Variants in RIPOR1 observed in about 807,000 individuals in gnomAD.
The protein encoded by RIPOR1 is RHO family interacting cell polarization regulator 1, also known as rho family-interacting cell polarization regulator 1.
Under a neutral mutation model 116.5 loss-of-function variants are expected in RIPOR1, and 58 were observed. The observed-to-expected ratio is 0.50, with a 90% CI of 0.40 to 0.62. RIPOR1 has a LOEUF of 0.62. RIPOR1 is among the 20% of genes least tolerant of loss of function. RIPOR1 has a pLI of 0.00. For synonymous variants in RIPOR1, 605 were observed against 650.0 expected (o/e 0.93, Z 1.05); for missense variants, 1,372 against 1,586.2 (o/e 0.86, Z 2.29).
rs1337779341 is a variant in RIPOR1, at chr16:67,529,357, T to G, written c.-24+443T>G. On this transcript the variant is annotated intron_variant, in intron 1 of 21. Coordinates refer to ENST00000042381, the MANE Select transcript of RIPOR1 (RefSeq NM_024519.4). This position sits in a 1 kb window ranked among gnomAD's most constrained non-coding sequence, Gnocchi z 4.1. ...GCCGGCCTAGGAGCTGAGCTAATCC[T>G]CCTAGCTCTAGGGGCCGGCCTAAGC... 1 of 165,642 alleles carries G rather than the reference T, an allele frequency of 6.0e-6. No individual in the cohort carries two copies. Among genetic ancestry groups the G allele is most frequent in the African/African-American group, 2.4e-5 (1 of 41,756 alleles). The allele number at this position is 165,642 out of a possible 1,614,324, so 10.3% of individuals were successfully genotyped here. A position where few individuals can be genotyped will look rare whatever the true frequency, so the allele number is the denominator to read the frequency against.
In RIPOR1 at chr16:67,537,220, C is replaced by A. The variant is rs1039394663; in HGVS notation, c.-23-1204C>A. Among the ~76,000 whole-genome samples the A allele has an allele frequency of 6.6e-6, 1 of 152,144 alleles. No individual in the cohort carries two copies. The highest frequency in any genetic ancestry group is 1.5e-5 in the Non-Finnish European group (1 of 68,020). ...GAGCCACTGTGCCCGGCCTCAATAGCGACTCTTTAAGCCCCCTACTCTAAT... is the reference window on the plus strand; with the variant it reads ...GAGCCACTGTGCCCGGCCTCAATAGAGACTCTTTAAGCCCCCTACTCTAAT... On this transcript the variant is annotated intron_variant, in intron 1 of 21. Transcript: ENST00000042381. The surrounding 1 kb of genome is among the most constrained non-coding windows in gnomAD (Gnocchi z 4.6).
chr16:67,541,257 A>G lies in RIPOR1; in HGVS notation c.802-173A>G. 5 of 526,298 alleles carry G rather than the reference A, an allele frequency of 9.5e-6. No homozygotes were observed. Among genetic ancestry groups the G allele is most frequent in the African/African-American group, 2.0e-5 (1 of 49,914 alleles). 32.6% of individuals were successfully genotyped at this position (526,298 alleles called of 1,614,324 possible). A position where few individuals can be genotyped will look rare whatever the true frequency, so the allele number is the denominator to read the frequency against. ...AATTTTTTTTTTTTTTTTTTTTGAG[A>G]CAGAGTCTTGCCATGTTGCCCAAGC... On this transcript the variant is annotated intron_variant, in intron 10 of 21. Coordinates refer to ENST00000042381, the MANE Select transcript of RIPOR1 (RefSeq NM_024519.4). The surrounding 1 kb of genome is among the most constrained non-coding windows in gnomAD (Gnocchi z 4.6).
intron 1 of RIPOR1, among the ~76,000 whole-genome samples, chr16:67,535,471 AG>A (rs766139171): frequency 2.6e-5 from 4 of 152,224 alleles, no homozygotes; most frequent in Non-Finnish European, 5.9e-5. Context: ...CTGTGGATCC[AG>A]GCTGGGGAGG....
chr16:67,540,026 C>G lies in RIPOR1; in HGVS notation c.415-27C>G, dbSNP rs750276204. Reference sequence around the variant, plus strand: ...ACCCCAGAGGTGAGTCTCAGTCCCCCTACTGTCACCCCACTCACCTTCCCA... The same window carrying G: ...ACCCCAGAGGTGAGTCTCAGTCCCCGTACTGTCACCCCACTCACCTTCCCA... On this transcript the variant is annotated intron_variant, in intron 6 of 21. Transcript: ENST00000042381. This position sits in a 1 kb window ranked among gnomAD's most constrained non-coding sequence, Gnocchi z 4.7. The G allele has an allele frequency of 1.2e-5, 19 of 1,614,028 alleles. No individual in the cohort carries two copies. The highest frequency in any genetic ancestry group is 1.6e-5 in the Non-Finnish European group (19 of 1,179,936).
In RIPOR1 at chr16:67,543,270, G is replaced by A; in HGVS notation, c.2478+6G>A. The stretch of plus-strand genomic sequence containing the variant: ...GCCTAGAAAGTCTGCTCATGGTGAG[G>A]AGGGCTGGGCTGGGCTAGGGCAACC... On this transcript the variant is annotated splice_donor_region_variant and intron_variant, in intron 13 of 21. Coordinates refer to ENST00000042381, the MANE Select transcript of RIPOR1 (RefSeq NM_024519.4). This position sits in a 1 kb window ranked among gnomAD's most constrained non-coding sequence, Gnocchi z 4.7. 1 of 1,602,468 alleles carries A rather than the reference G, an allele frequency of 6.2e-7. No individual in the cohort carries two copies. The highest frequency in any genetic ancestry group is 2.2e-5 in the East Asian group (1 of 44,548).
In RIPOR1 at chr16:67,523,542, A is replaced by C. The variant is rs951568380; in HGVS notation, c.-24+4929A>C. 2.8e-3 allele frequency among the ~76,000 whole-genome samples: 421 copies of C among 151,142 alleles called. 2 individuals carry two copies. Among genetic ancestry groups the C allele is most frequent in the Middle Eastern group, 0.017 (5 of 292 alleles). On this transcript the variant is annotated intron_variant, in intron 1 of 1. Transcript: ENST00000562116. ...TCCATAAAAAAAAAAAAAAAAAAAA[A>C]AAAAAAACAGTAGTCAACATCTTTT...
In RIPOR1 at chr16:67,545,357, A is replaced by G; in HGVS notation, c.3032-19A>G. On this transcript the variant is annotated intron_variant, in intron 17 of 21. Coordinates refer to ENST00000042381, the MANE Select transcript of RIPOR1 (RefSeq NM_024519.4). This position sits in a 1 kb window ranked among gnomAD's most constrained non-coding sequence, Gnocchi z 4.8. ...TGTGTTCACCCAAACTCTGAGGCCC[A>G]TGCTACTGCCTCCTGCAGTGTGTGT... 6.2e-7 allele frequency: 1 copy of G among 1,608,794 alleles called. No homozygotes were observed. Among genetic ancestry groups the G allele is most frequent in the East Asian group, 2.2e-5 (1 of 44,754 alleles).
In RIPOR1 at chr16:67,543,278, G is replaced by C. The variant is rs367826414; in HGVS notation, c.2478+14G>C. 4.4e-6 allele frequency: 7 copies of C among 1,603,106 alleles called. No homozygotes were observed. In the South Asian group the frequency reaches 7.8e-5, roughly 18 times the overall value. ...AGTCTGCTCATGGTGAGGAGGGCTG[G>C]GCTGGGCTAGGGCAACCAGGGAGGG... On this transcript the variant is annotated intron_variant, in intron 13 of 21. Transcript: ENST00000042381. The surrounding 1 kb of genome is among the most constrained non-coding windows in gnomAD (Gnocchi z 4.7).
intron 2 of RIPOR1, 25 bp downstream of exon 2, chr16:67,538,575 G>T: frequency 6.2e-7 from 1 of 1,609,794 alleles, no homozygotes. Context: ...AGGGTTGGTG[G>T]GGTCAAAGGG....
rs572305272 is a variant in RIPOR1 at position 67,541,504 on chromosome 16, C to T, written c.876C>T (p.Ala292=). 3.4e-5 allele frequency: 55 copies of T among 1,614,108 alleles called. No homozygotes were observed. The highest frequency in any genetic ancestry group is 2.0e-4 in the Admixed American group (12 of 60,008). The part of the protein sequence containing the change: ...SVSCETKDLF[A]ALPQVVAVDI... ...CCTGTGAGACCAAGGACCTGTTTGC[C>T]GCCCTGCCCCAGGTTGTGGCTGTGG... The change falls in exon 11 of 22, where the codon GCC becomes GCT. Residue 292 remains alanine (A), a synonymous_variant. Transcript: ENST00000042381. The surrounding 1 kb of genome is among the most constrained non-coding windows in gnomAD (Gnocchi z 4.6).
chr16:67,537,807 C>T lies in RIPOR1; in HGVS notation c.-23-617C>T, dbSNP rs571169665. The stretch of plus-strand genomic sequence containing the variant: ...GAGGAGGGGGCGGGGCCCTTCTCGG[C>T]ATCGCGCCCAGCTCTGGGAATCCCC... On this transcript the variant is annotated intron_variant, in intron 1 of 21. Coordinates refer to ENST00000042381, the MANE Select transcript of RIPOR1 (RefSeq NM_024519.4). The surrounding 1 kb of genome is among the most constrained non-coding windows in gnomAD (Gnocchi z 4.6). Among the ~76,000 whole-genome samples the T allele has an allele frequency of 1.3e-5, 2 of 152,160 alleles. No individual in the cohort carries two copies. The highest frequency in any genetic ancestry group is 1.9e-4 in the East Asian group (1 of 5,146).
At position 67,539,767 on chromosome 16, in the gene RIPOR1, A is replaced by G. The variant is rs2050915994; in HGVS notation, c.360+16A>G. 2.5e-6 allele frequency: 4 copies of G among 1,614,008 alleles called. No homozygotes were observed. The highest frequency in any genetic ancestry group is 3.4e-6 in the Non-Finnish European group (4 of 1,180,010). On this transcript the variant is annotated intron_variant, in intron 5 of 21. Transcript: ENST00000042381. ...TCTGGACAAGGTGAGTATGCATGGA[A>G]TGGTACTGGAAGGGGTTGGCTCACA...
At chr16:67,525,400 G>T (rs1326079030), upstream of RIPOR1, among the ~76,000 whole-genome samples, 1 of 152,100 alleles carries the variant, frequency 6.6e-6, no homozygotes, top group Non-Finnish European at 1.5e-5. Context: ...TCTGGCAAAT[G>T]AATGAATGAT....
intron 1 of RIPOR1, among the ~76,000 whole-genome samples, chr16:67,522,391 G>A (rs566400659): frequency 4.2e-4 from 64 of 151,332 alleles, no homozygotes; most frequent in Admixed American, 3.3e-4. Flanking sequence ...TAGTAGAGAC[G>A]GGGTATCCCC....
intron 1 of RIPOR1, among the ~76,000 whole-genome samples, chr16:67,536,154 AAAG>A (rs2050789083): frequency 6.6e-6 from 1 of 152,160 alleles, no homozygotes; most frequent in African/African-American, 2.4e-5. Context: ...TGGGATATTC[AAAG>A]AAGAGATAGG....
Position 67,538,481 on chromosome 16 carries a change from T to G in RIPOR1, c.35T>G (p.Leu12Arg). 6.2e-7 allele frequency: 1 copy of G among 1,611,316 alleles called. No homozygotes were observed. The highest frequency in any genetic ancestry group is 8.5e-7 in the Non-Finnish European group (1 of 1,179,184). Residue 12 changes from leucine (L) to arginine (R), a missense_variant, in exon 2 of 22, where the codon CTG becomes CGG. Coordinates refer to ENST00000042381, the MANE Select transcript of RIPOR1 (RefSeq NM_024519.4). The part of the protein sequence containing the change: ...MSLSVRPQRR[L>R]LSARVNRSQS... ...CTGTCGGTGCGGCCGCAGCGCCGTC[T>G]GCTCAGCGCCCGGGTCAATAGGAGC...
In RIPOR1 at chr16:67,537,658, T is replaced by A. The variant is rs2050832470; in HGVS notation, c.-23-766T>A. On this transcript the variant is annotated intron_variant, in intron 1 of 21. Transcript: ENST00000042381. This position sits in a 1 kb window ranked among gnomAD's most constrained non-coding sequence, Gnocchi z 4.6. Reference sequence around the variant, plus strand: ...CTGGCCCCAGGGGAAGCAGGCCGGGTTTGGGGGCCAGGAGTGTGTGTTTCG... The same window carrying A: ...CTGGCCCCAGGGGAAGCAGGCCGGGATTGGGGGCCAGGAGTGTGTGTTTCG... 2 of 1,207,654 alleles carry A rather than the reference T, an allele frequency of 1.7e-6. No individual in the cohort carries two copies. Among genetic ancestry groups the A allele is most frequent in the Non-Finnish European group, 2.2e-6 (2 of 924,244 alleles). 74.8% of individuals were successfully genotyped at this position (1,207,654 alleles called of 1,614,324 possible).
Position 67,542,017 on chromosome 16 carries a change from C to T in RIPOR1, c.1231C>T (p.Pro411Ser), listed in dbSNP as rs765061675. 2 of 1,609,616 alleles carry T rather than the reference C, an allele frequency of 1.2e-6. No individual in the cohort carries two copies. Among genetic ancestry groups the T allele is most frequent in the South Asian group, 1.1e-5 (1 of 90,900 alleles). The change falls in exon 13 of 22, where the codon CCC becomes TCC. Residue 411 changes from proline (P) to serine (S), a missense_variant. Pro to Ser is a moderately conservative substitution (Grantham distance 74). Around this residue, in one of 3 missense-constraint regions of RIPOR1, gnomAD observed 1,005 missense variants for 1,144.7 expected, o/e 0.88. Coordinates refer to ENST00000042381, the MANE Select transcript of RIPOR1 (RefSeq NM_024519.4). The surrounding 1 kb of genome is among the most constrained non-coding windows in gnomAD (Gnocchi z 4.6). ...CCTGGTGCAGCAGCCCGAGCCCCTT[C>T]CCATCCAAGTTGCCTTCCGCAGGCC... ...RPLVQQPEPL[P>S]IQVAFRRPET... is the part of the protein sequence containing the mutation.
Position 67,545,763 on chromosome 16 carries a change from C to T in RIPOR1, c.3290C>T (p.Ala1097Val). The stretch of plus-strand genomic sequence containing the variant: ...CGTCTGCGAAGGGACGGGCTGCGGG[C>T]CCTCAGCTCCCTGCTCGTCCATGGC... ...EGRLRRDGLR[A>V]LSSLLVHGNN... The change falls in exon 19 of 22, where the codon GCC becomes GTC. Residue 1097 changes from alanine (A) to valine (V), a missense_variant. Around this residue, in one of 3 missense-constraint regions of RIPOR1, gnomAD observed 1,005 missense variants for 1,144.7 expected, o/e 0.88. Coordinates refer to ENST00000042381, the MANE Select transcript of RIPOR1 (RefSeq NM_024519.4). This position sits in a 1 kb window ranked among gnomAD's most constrained non-coding sequence, Gnocchi z 4.8. 1 of 1,612,384 alleles carries T rather than the reference C, an allele frequency of 6.2e-7. No individual in the cohort carries two copies.
Sources: gnomAD v4.1 joint callset for allele counts (sites outside exome capture counted in the v4.1 genomes callset) on GRCh38, gnomAD v4.1.1 for gene constraint, gnomAD v4.1.1 regional missense constraint, Gnocchi (gnomAD v3.1) non-coding constraint, MANE v1.5 for transcripts, NCBI Gene and HGNC (gene_info 2026-07-23, HGNC 2026-07-21) for gene names.